Variants in RBMS3 observed in about 807,000 individuals in gnomAD.
The protein encoded by RBMS3 is RNA-binding motif, single-stranded-interacting protein 3.
A neutral mutation model predicts 66.8 loss-of-function variants in RBMS3; 27 were observed. That is an observed-to-expected ratio of 0.40 (90% CI 0.30 to 0.56). The LOEUF is 0.56. Among genes scored for constraint, RBMS3 ranks in the 20% least tolerant of loss-of-function variants. RBMS3 has a pLI of 0.40. For missense variants in RBMS3, 513 were observed against 549.5 expected (o/e 0.93, Z 0.66); for synonymous variants, 188 against 183.0 (o/e 1.03, Z -0.22).
At chr3:29,792,046 G>A (rs1396660481) in intron 6 of RBMS3, among the ~76,000 whole-genome samples, 1 of 152,056 alleles carries the variant, frequency 6.6e-6, no homozygotes, top group African/African-American at 2.4e-5. Context: ...AAACATCTAT[G>A]ATCTTGACCT....
intron 1 of RBMS3, chr3:29,390,889 T>A (rs2039260662): frequency 5.9e-6 from 1 of 169,808 alleles, no homozygotes; most frequent in African/African-American, 2.3e-5. Context: ...TAGTGGACAT[T>A]AACACTGCTT....
chr3:29,510,568 A>ATT (rs111378775), intron 3 of RBMS3, among the ~76,000 whole-genome samples: 31 of 151,518 alleles, frequency 2.0e-4, no homozygotes, highest in African/African-American at 6.5e-4. Flanking sequence ...CAGATTTCAG[A>ATT]TTTTTTTTTC....
At chr3:29,471,207 T>C (rs2042714291) in intron 2 of RBMS3, among the ~76,000 whole-genome samples, 1 of 152,226 alleles carries the variant, frequency 6.6e-6, no homozygotes, top group Non-Finnish European at 1.5e-5. Flanking sequence ...TTTCTGTTTT[T>C]CTGCATTTTC....
chr3:29,964,323 C>G (rs1696683210), intron 12 of RBMS3, among the ~76,000 whole-genome samples: 3 of 152,064 alleles, frequency 2.0e-5, no homozygotes, highest in South Asian at 2.1e-4. Flanking sequence ...GTAGAGGACT[C>G]CAACGTTTAT....
chr3:29,329,864 A>C (rs1268987978), intron 1 of RBMS3, among the ~76,000 whole-genome samples: 5 of 147,902 alleles, frequency 3.4e-5, no homozygotes, highest in Non-Finnish European at 7.4e-5. Flanking sequence ...TATATTAACT[A>C]TATAATACAT....
intron 1 of RBMS3, among the ~76,000 whole-genome samples, chr3:29,362,366 A>G (rs1280371856): frequency 1.3e-5 from 2 of 152,194 alleles, no homozygotes; most frequent in African/African-American, 4.8e-5. Context: ...AACAGCGAAT[A>G]TTGCTGAACA....
At chr3:29,779,308 T>C (rs2056538074) in intron 6 of RBMS3, among the ~76,000 whole-genome samples, 1 of 151,438 alleles carries the variant, frequency 6.6e-6, no homozygotes, top group South Asian at 2.1e-4. Context: ...CATATATATA[T>C]ACATACATGT....
intron 1 of RBMS3, among the ~76,000 whole-genome samples, chr3:29,333,955 T>G (rs1004498112): frequency 6.6e-6 from 1 of 152,152 alleles, no homozygotes; most frequent in African/African-American, 2.4e-5. Context: ...CTTCCATAAT[T>G]AGAGAGATCT....
chr3:29,434,264 G>T (rs535409978), intron 1 of RBMS3, among the ~76,000 whole-genome samples: 3 of 152,186 alleles, frequency 2.0e-5, no homozygotes, highest in Non-Finnish European at 4.4e-5. Context: ...TTTGTATCAG[G>T]AATTATGCTG....
At chr3:29,399,907 T>C in intron 1 of RBMS3, among the ~76,000 whole-genome samples, 1 of 152,266 alleles carries the variant, frequency 6.6e-6, no homozygotes, top group African/African-American at 2.4e-5. Context: ...CTACATTTTT[T>C]TGTTTTGCTT....
intron 10 of RBMS3, among the ~76,000 whole-genome samples, chr3:29,917,132 C>A (rs945249825): frequency 1.3e-5 from 2 of 151,972 alleles, no homozygotes; most frequent in East Asian, 3.9e-4. Context: ...AGTTAGAATA[C>A]AAAACCAAAC....
chr3:29,625,731 A>G, intron 4 of RBMS3, among the ~76,000 whole-genome samples: 1 of 150,436 alleles, frequency 6.6e-6, no homozygotes, highest in African/African-American at 2.5e-5. Context: ...TAAATAAATA[A>G]ATAAATAAAA....
intron 1 of RBMS3, among the ~76,000 whole-genome samples, chr3:29,405,802 T>C (rs930107842): frequency 7.2e-5 from 11 of 152,132 alleles, no homozygotes; most frequent in African/African-American, 2.7e-4. Context: ...ATTTAGAAAA[T>C]GTATTTGGTT....
chr3:29,426,423 T>C (rs1470650158), intron 1 of RBMS3, among the ~76,000 whole-genome samples: 1 of 152,242 alleles, frequency 6.6e-6, no homozygotes, highest in Admixed American at 6.5e-5. Flanking sequence ...TGTCATTTAA[T>C]ATCTAAGCCT....
intron 6 of RBMS3, among the ~76,000 whole-genome samples, chr3:29,844,154 AT>A (rs2058725515): frequency 6.6e-6 from 1 of 152,190 alleles, no homozygotes; most frequent in South Asian, 2.1e-4. Context: ...AGATGTACAA[AT>A]TCCTTGGTTA....
At chr3:29,740,394 A>G (rs2054583467) in intron 5 of RBMS3, among the ~76,000 whole-genome samples, 1 of 152,188 alleles carries the variant, frequency 6.6e-6, no homozygotes, top group Non-Finnish European at 1.5e-5. Flanking sequence ...TCAAGAAGCC[A>G]TTTGCATTTA....
chr3:29,668,512 G>GAA (rs201353659), intron 4 of RBMS3, among the ~76,000 whole-genome samples: 7 of 149,292 alleles, frequency 4.7e-5, no homozygotes, highest in Admixed American at 1.3e-4. Flanking sequence ...TAGAAGCCAA[G>GAA]AAAAAAAAAA....
chr3:29,873,001 G>T (rs1034809825), intron 7 of RBMS3, among the ~76,000 whole-genome samples: 1 of 152,244 alleles, frequency 6.6e-6, no homozygotes, highest in South Asian at 2.1e-4. Flanking sequence ...CTATAGCCCC[G>T]TGGTATAGTT....
At chr3:29,715,350 A>C (rs1201643826) in intron 4 of RBMS3, among the ~76,000 whole-genome samples, 3 of 152,222 alleles carry the variant, frequency 2.0e-5, no homozygotes, top group Admixed American at 6.5e-5. Flanking sequence ...GATTAGAGAG[A>C]CTTAGAAACT....
Sources: allele counts gnomAD v4.1 joint callset (sites outside exome capture counted in the v4.1 genomes callset), GRCh38; gene constraint gnomAD v4.1.1; transcripts MANE v1.5; gene names NCBI Gene and HGNC (gene_info 2026-07-23, HGNC 2026-07-21).